Variants in NMNAT2 observed in about 807,000 individuals in gnomAD.
NMNAT2 encodes the protein nicotinamide/nicotinic acid mononucleotide adenylyltransferase 2.
NMNAT2 carries 11 observed loss-of-function variants against 41.6 expected under a neutral mutation model. That is an observed-to-expected ratio of 0.26 (90% CI 0.17 to 0.44). The LOEUF (loss-of-function observed/expected upper bound fraction) is 0.44, where lower values mean the gene tolerates loss of function less well. NMNAT2 is among the 20% of genes least tolerant of loss of function. The probability of loss-of-function intolerance (pLI) is 1.00; values close to 1 mark genes in which losing one functional copy is unlikely to be tolerated. For synonymous variants in NMNAT2, 148 were observed against 151.2 expected (o/e 0.98, Z 0.16); for missense variants, 288 against 407.7 (o/e 0.71, Z 2.53).
chr1:183,286,950 G>A (rs2102304558), intron 4 of NMNAT2, among the ~76,000 whole-genome samples, 162 bp from the exon 5 acceptor site: 2 of 152,136 alleles, frequency 1.3e-5, no homozygotes, highest in Admixed American at 1.3e-4. Context: ...GTGGTCACTA[G>A]GCTGGCAGGA....
intron 8 of NMNAT2, among the ~76,000 whole-genome samples, chr1:183,274,214 G>C (rs187067099): frequency 2.0e-5 from 3 of 152,150 alleles, no homozygotes; most frequent in South Asian, 4.1e-4. Context: ...CGCCTGGCTG[G>C]CCAGCTCTAT....
intron 1 of NMNAT2, among the ~76,000 whole-genome samples, chr1:183,357,404 T>C (rs1052363770): frequency 6.6e-6 from 1 of 151,524 alleles, no homozygotes; most frequent in African/African-American, 2.4e-5. Context: ...TAATTTTTTG[T>C]ATTTTTAATA....
chr1:183,388,679 A>G (rs1363691521), intron 1 of NMNAT2, among the ~76,000 whole-genome samples: 3 of 152,160 alleles, frequency 2.0e-5, no homozygotes, highest in Non-Finnish European at 2.9e-5. Flanking sequence ...TTCTACTCCA[A>G]CACTTTTAAA....
chr1:183,406,552 G>A (rs1371011979), intron 1 of NMNAT2, among the ~76,000 whole-genome samples: 1 of 152,162 alleles, frequency 6.6e-6, no homozygotes, highest in African/African-American at 2.4e-5. Flanking sequence ...AGCAGAGATT[G>A]GACAGAAACT....
intron 1 of NMNAT2, among the ~76,000 whole-genome samples, chr1:183,316,403 C>T (rs547715894): frequency 2.8e-4 from 42 of 152,302 alleles, no homozygotes; most frequent in Non-Finnish European, 5.6e-4. Context: ...TCCTGCAGGC[C>T]CTCCAGCTTG....
chr1:183,274,543 C>T (rs1479642453), intron 8 of NMNAT2, among the ~76,000 whole-genome samples: 2 of 151,626 alleles, frequency 1.3e-5, no homozygotes, highest in African/African-American at 2.4e-5. Flanking sequence ...GAACTCTTGA[C>T]CTCAGGTGAT....
At chr1:183,354,615 C>T (rs1663142801) in intron 1 of NMNAT2, among the ~76,000 whole-genome samples, 1 of 152,026 alleles carries the variant, frequency 6.6e-6, no homozygotes, top group African/African-American at 2.4e-5. Context: ...CAGGGTCTCA[C>T]CATGTTGCCC....
At chr1:183,312,529 T>C (rs1662147020) in intron 1 of NMNAT2, among the ~76,000 whole-genome samples, 1 of 151,650 alleles carries the variant, frequency 6.6e-6, no homozygotes, top group Non-Finnish European at 1.5e-5. Flanking sequence ...TTTATTTTAT[T>C]ACTTTTAAAA....
intron 1 of NMNAT2, among the ~76,000 whole-genome samples, chr1:183,330,613 A>G (rs1412855772): frequency 1.3e-5 from 2 of 152,232 alleles, no homozygotes; most frequent in Admixed American, 1.3e-4. Context: ...TCCCCATCCC[A>G]AAGCAAAACT....
intron 1 of NMNAT2, among the ~76,000 whole-genome samples, chr1:183,346,900 C>T (rs1229478815): frequency 6.6e-6 from 1 of 152,120 alleles, no homozygotes; most frequent in African/African-American, 2.4e-5. Context: ...AGTCATTTCT[C>T]ACCCCTTTTC....
At chr1:183,385,681 T>A (rs1648222722) in intron 1 of NMNAT2, among the ~76,000 whole-genome samples, 1 of 152,166 alleles carries the variant, frequency 6.6e-6, no homozygotes, top group South Asian at 2.1e-4. Context: ...CATATGAGAT[T>A]TGGCCACCCA....
chr1:183,255,473 G>T lies in NMNAT2; in HGVS notation c.822-2730C>A, dbSNP rs551941383. On this transcript the variant is annotated intron_variant, in intron 10 of 10. Transcript: ENST00000287713. ...GTATGAATGCTGCCATTGGGATTTT[G>T]ATAGGTATTTCATTAAATCTTTATA... Among the ~76,000 whole-genome samples the T allele has an allele frequency of 5.9e-5, 9 of 152,172 alleles. 1 individual carries two copies. The highest frequency in any genetic ancestry group is 1.9e-4 in the African/African-American group (8 of 41,522).
chr1:183,267,625 AG>A (rs1227026426), intron 8 of NMNAT2, among the ~76,000 whole-genome samples: 1 of 152,098 alleles, frequency 6.6e-6, no homozygotes, highest in African/African-American at 2.4e-5. Context: ...GGGGGGTGTA[AG>A]GGCAGACATC....
chr1:183,291,403 T>G (rs762346946), intron 3 of NMNAT2, among the ~76,000 whole-genome samples: 7 of 152,300 alleles, frequency 4.6e-5, no homozygotes, highest in South Asian at 2.1e-4. Flanking sequence ...CCCTGTGCCC[T>G]GGGAGCGCAC....
At chr1:183,355,612 TGA>T (rs1663167098) in intron 1 of NMNAT2, among the ~76,000 whole-genome samples, 1 of 152,222 alleles carries the variant, frequency 6.6e-6, no homozygotes, top group African/African-American at 2.4e-5. Context: ...AAAATTGTGT[TGA>T]GTGAATGAAT....
At chr1:183,252,809 G>A (rs1363882862) in intron 10 of NMNAT2, 66 bp from the exon 11 acceptor site, 2 of 1,159,040 alleles carry the variant, frequency 1.7e-6, no homozygotes, top group African/African-American at 3.0e-5. Context: ...GGACTGGCAT[G>A]CCCCTGTCTC....
At chr1:183,282,259 A>G (rs1283996784) in intron 7 of NMNAT2, among the ~76,000 whole-genome samples, 1 of 152,214 alleles carries the variant, frequency 6.6e-6, no homozygotes, top group East Asian at 1.9e-4. Flanking sequence ...CAGAGGTGAG[A>G]GGTCACTCCC....
At chr1:183,341,644 A>G (rs1343822527) in intron 1 of NMNAT2, among the ~76,000 whole-genome samples, 1 of 143,242 alleles carries the variant, frequency 7.0e-6, no homozygotes, top group Non-Finnish European at 1.5e-5. Flanking sequence ...GTGAGCCATG[A>G]TCATGCTACT....
intron 1 of NMNAT2, among the ~76,000 whole-genome samples, chr1:183,304,107 A>G (rs1661935801): frequency 6.6e-6 from 1 of 152,196 alleles, no homozygotes; most frequent in Non-Finnish European, 1.5e-5. Flanking sequence ...GGATTTCCCA[A>G]TTTACCAATA....
Sources: allele counts gnomAD v4.1 joint callset (sites outside exome capture counted in the v4.1 genomes callset), GRCh38; gene constraint gnomAD v4.1.1; transcripts MANE v1.5; gene names NCBI Gene and HGNC (gene_info 2026-07-23, HGNC 2026-07-21).